EIF5B: variants seen among roughly 807,000 people sequenced by gnomAD.
The protein encoded by EIF5B is eIF-5B.
A neutral mutation model predicts 147.5 loss-of-function variants in EIF5B; 47 were observed. The observed-to-expected ratio is 0.32, with a 90% CI of 0.25 to 0.41. The LOEUF (loss-of-function observed/expected upper bound fraction) is 0.41, where lower values mean the gene tolerates loss of function less well. Among genes scored for constraint, EIF5B ranks in the 10% least tolerant of loss-of-function variants. The pLI, the probability that EIF5B is intolerant of heterozygous loss-of-function variation, is 1.00. For missense variants in EIF5B, 1,064 were observed against 1,413.2 expected (o/e 0.75, Z 3.96); for synonymous variants, 455 against 456.2 (o/e 1.00, Z 0.03).
chr2:99,368,760 GACAAGCTAATGGAAAAAGTATTTT>G (rs1674378887), intron 7 of EIF5B, among the ~76,000 whole-genome samples, 169 bp downstream of exon 7: 1 of 152,190 alleles, frequency 6.6e-6, no homozygotes, highest in East Asian at 1.9e-4. Flanking sequence ...TGATTCAAAT[GACAAGCTAATGGAAAAAGTATTTT>G]ACTTTGAAAA....
chr2:99,396,180 A>G (rs1675041942), intron 21 of EIF5B, among the ~76,000 whole-genome samples: 1 of 152,200 alleles, frequency 6.6e-6, no homozygotes, highest in South Asian at 2.1e-4. Flanking sequence ...CTCACTTTAG[A>G]TCATGAAACC....
At chr2:99,385,668 A>G (rs1360592126) in intron 14 of EIF5B, among the ~76,000 whole-genome samples, 1 of 152,224 alleles carries the variant, frequency 6.6e-6, no homozygotes, top group East Asian at 1.9e-4. Flanking sequence ...AGGAAACCCC[A>G]AAAATTGTGT....
At chr2:99,367,501 A>T (rs1009901512) in intron 6 of EIF5B, among the ~76,000 whole-genome samples, 2 of 151,676 alleles carry the variant, frequency 1.3e-5, no homozygotes, top group East Asian at 3.9e-4. Flanking sequence ...CAGTGGCGCA[A>T]TCTCAGCCCA....
intron 12 of EIF5B, among the ~76,000 whole-genome samples, chr2:99,379,864 G>C (rs1172308118): frequency 1.3e-5 from 2 of 152,130 alleles, no homozygotes; most frequent in Non-Finnish European, 2.9e-5. Context: ...TAAATGTAAA[G>C]CTTAAAGAAT....
intron 12 of EIF5B, among the ~76,000 whole-genome samples, 157 bp from the exon 13 acceptor site, chr2:99,382,002 C>T (rs1674699320): frequency 6.6e-6 from 1 of 152,112 alleles, no homozygotes; most frequent in African/African-American, 2.4e-5. Flanking sequence ...AAAATACTGA[C>T]AACTGTACTT....
At chr2:99,371,604 C>G in intron 8 of EIF5B, 52 bp from the exon 9 acceptor site, 1 of 1,511,964 alleles carries the variant, frequency 6.6e-7, no homozygotes, top group African/African-American at 1.4e-5. Flanking sequence ...TCTAAAAGAC[C>G]TTCATATTTC....
intron 12 of EIF5B, among the ~76,000 whole-genome samples, chr2:99,381,159 T>C (rs1674679222): frequency 6.6e-6 from 1 of 152,196 alleles, no homozygotes; most frequent in Non-Finnish European, 1.5e-5. Context: ...TATAATTTAT[T>C]TTCATCCTAT....
At chr2:99,338,237 C>T (rs2094248827) in intron 1 of EIF5B, 1 of 1,093,582 alleles carries the variant, frequency 9.1e-7, no homozygotes, top group African/African-American at 1.6e-5. Flanking sequence ...GAAGAAGAAA[C>T]CAACCAACCG....
intron 1 of EIF5B, among the ~76,000 whole-genome samples, chr2:99,351,585 A>T (rs1168375538): frequency 6.6e-6 from 1 of 152,128 alleles, no homozygotes; most frequent in Non-Finnish European, 1.5e-5. Context: ...CCCTCTAGGG[A>T]TGTATGTGCT....
chr2:99,344,163 G>A (rs1165406415), intron 1 of EIF5B, among the ~76,000 whole-genome samples: 2 of 151,828 alleles, frequency 1.3e-5, no homozygotes, highest in East Asian at 2.0e-4. Flanking sequence ...CTCGTTATCC[G>A]CCCGCCTCGG....
chr2:99,392,940 T>G (rs746620346), intron 17 of EIF5B, 27 bp from the exon 18 acceptor site: 25 of 1,411,060 alleles, frequency 1.8e-5, no homozygotes, highest in Non-Finnish European at 2.3e-5. Flanking sequence ...AAAGTACATT[T>G]GGTAACAAAT....
At chr2:99,385,077 G>A (rs553973722) in intron 14 of EIF5B, among the ~76,000 whole-genome samples, 6 of 151,844 alleles carry the variant, frequency 4.0e-5, no homozygotes, top group Non-Finnish European at 7.4e-5. Flanking sequence ...ACAGAGTTTC[G>A]CTCTTGTTGC....
Position 99,352,003 on chromosome 2 carries a change from A to G in EIF5B, c.36-8233A>G, listed in dbSNP as rs1673976639. Among the ~76,000 whole-genome samples, 3 of 151,508 alleles carry G rather than the reference A, an allele frequency of 2.0e-5. No homozygotes were observed. In the South Asian group the frequency reaches 6.3e-4, roughly 32 times the overall value. On this transcript the variant is annotated intron_variant, in intron 1 of 23. Transcript: ENST00000289371. ...GTGTGAGCCACCACACCCTGCCTTT[A>G]TTGTAGTTTTAATTTATGCTTCCTT... is the stretch of plus-strand genomic sequence containing the variant.
In EIF5B at chr2:99,400,977, T is replaced by TAAAC. The variant is rs1675297921; in HGVS notation, c.*1565_*1568dup. 2 of 252,572 alleles carry TAAAC rather than the reference T, an allele frequency of 7.9e-6. No individual in the cohort carries two copies. Among genetic ancestry groups the TAAAC allele is most frequent in the East Asian group, 8.0e-5 (1 of 12,544 alleles). 15.6% of individuals were successfully genotyped at this position (252,572 alleles called of 1,614,324 possible). On this transcript the variant is annotated 3_prime_UTR_variant, in exon 24 of 24. Coordinates refer to ENST00000289371, the MANE Select transcript of EIF5B (RefSeq NM_015904.4). ...CATACAGTTCTTTATTAAACAACTGTAAACACTTCACTGTAAAAATCCATA... is the reference window on the plus strand; with the variant it reads ...CATACAGTTCTTTATTAAACAACTGTAAACAAACACTTCACTGTAAAAATCCATA...
chr2:99,341,199 A>G (rs1187388863), intron 1 of EIF5B, among the ~76,000 whole-genome samples: 2 of 152,224 alleles, frequency 1.3e-5, no homozygotes, highest in African/African-American at 4.8e-5. Flanking sequence ...AACAAATATA[A>G]TACACATAGC....
intron 6 of EIF5B, among the ~76,000 whole-genome samples, chr2:99,366,067 A>T (rs1674321484): frequency 1.3e-5 from 2 of 149,358 alleles, no homozygotes; most frequent in African/African-American, 4.9e-5. Flanking sequence ...GTCATCCTTT[A>T]GCCTGTGACT....
At chr2:99,338,268 C>G (rs1467376932) in intron 1 of EIF5B, 2 of 1,268,836 alleles carry the variant, frequency 1.6e-6, no homozygotes, top group East Asian at 5.6e-5. Flanking sequence ...TTTCTAACCA[C>G]CTGCAATGCT....
intron 1 of EIF5B, among the ~76,000 whole-genome samples, chr2:99,352,714 C>A (rs182835239): frequency 8.1e-4 from 123 of 151,818 alleles, no homozygotes; most frequent in Non-Finnish European, 1.6e-3. Context: ...CTCCTGGCCT[C>A]AAGTGATCCA....
Position 99,386,716 on chromosome 2 carries a change from G to T in EIF5B, c.2272-3002G>T, listed in dbSNP as rs528990954. On this transcript the variant is annotated intron_variant, in intron 14 of 23. Transcript: ENST00000289371. Reference sequence around the variant, plus strand: ...TTAGGGTTGTTTTTTTCTGGGGGGCGGGGGGGCGGTGTGTGTGTGTGTTTT... The same window carrying T: ...TTAGGGTTGTTTTTTTCTGGGGGGCTGGGGGGCGGTGTGTGTGTGTGTTTT... 2.1e-3 allele frequency among the ~76,000 whole-genome samples: 308 copies of T among 149,208 alleles called. 1 individual carries two copies. Among genetic ancestry groups the T allele is most frequent in the South Asian group, 7.1e-3 (33 of 4,666 alleles).
Sources: gnomAD v4.1 joint callset for allele counts (sites outside exome capture counted in the v4.1 genomes callset) on GRCh38, gnomAD v4.1.1 for gene constraint, MANE v1.5 for transcripts, NCBI Gene and HGNC (gene_info 2026-07-23, HGNC 2026-07-21) for gene names.